Variants in ENO4 observed in about 807,000 individuals in gnomAD.
ENO4 encodes the protein 2-phospho-D-glycerate hydro-lyase.
In ENO4, 53 loss-of-function variants were observed where a neutral mutation model predicts 63.2. The observed-to-expected ratio is 0.84, with a 90% CI of 0.67 to 1.05. The LOEUF (loss-of-function observed/expected upper bound fraction) is 1.05, where lower values mean the gene tolerates loss of function less well. ENO4 is among the 50% of genes least tolerant of loss of function. The probability of loss-of-function intolerance (pLI) is 0.00; values close to 1 mark genes in which losing one functional copy is unlikely to be tolerated. For missense variants in ENO4, 719 were observed against 772.0 expected, an observed-to-expected ratio of 0.93 and a Z score of 0.81; for synonymous variants, 266 against 283.8, an observed-to-expected ratio of 0.94 and a Z score of 0.63.
In ENO4 at chr10:116,906,659, C is replaced by A. The variant is rs548829750; in HGVS notation, c.1195-4840C>A. 3 of 1,613,270 alleles carry A rather than the reference C, an allele frequency of 1.9e-6. No homozygotes were observed. The East Asian group carries it at 6.7e-5, about 36-fold the overall frequency. Reference sequence around the variant, plus strand: ...ATCTGCTTCTGCTGTCACCTTTCTGCGACGCAAAATCCTTTCTAACTCAGT... The same window carrying A: ...ATCTGCTTCTGCTGTCACCTTTCTGAGACGCAAAATCCTTTCTAACTCAGT... On this transcript the variant is annotated intron_variant, in intron 10 of 10. Transcript: ENST00000369207.
intron 9 of ENO4, among the ~76,000 whole-genome samples, chr10:116,873,089 A>G (rs1453649435): frequency 6.6e-6 from 1 of 152,228 alleles, no homozygotes; most frequent in African/African-American, 2.4e-5. Context: ...AAAATGTATT[A>G]GCTTGATATC....
At chr10:116,874,040 T>C in intron 9 of ENO4, 36 bp from the exon 10 acceptor site, 3 of 1,502,844 alleles carry the variant, frequency 2.0e-6, no homozygotes, top group Non-Finnish European at 2.7e-6. Context: ...ATTCATTATT[T>C]ATCCCTTATT....
intron 12 of ENO4, 140 bp downstream of exon 12, chr10:116,879,498 C>A: frequency 1.5e-6 from 1 of 663,860 alleles, no homozygotes; most frequent in East Asian, 2.8e-5. Flanking sequence ...CTACCTTTTG[C>A]AAAGAGCTAA....
intron 6 of ENO4, 121 bp downstream of exon 6, chr10:116,861,311 A>C: frequency 3.4e-6 from 1 of 296,716 alleles, no homozygotes; most frequent in Non-Finnish European, 5.5e-6. Context: ...GAGAAAAAAA[A>C]TATTTTAGGA....
chr10:116,870,257 C>T (rs1026506760), intron 8 of ENO4, among the ~76,000 whole-genome samples: 5 of 152,104 alleles, frequency 3.3e-5, no homozygotes, highest in Admixed American at 2.0e-4. Context: ...CAATTTATGG[C>T]GAGGGCACAT....
intron 10 of ENO4, chr10:116,907,873 C>T (rs1243322898): frequency 1.9e-6 from 1 of 517,968 alleles, no homozygotes; most frequent in Non-Finnish European, 3.9e-6. Flanking sequence ...TGTTTGAACT[C>T]ACTAAGGACT....
At chr10:116,897,156 T>C (rs1367915990) in intron 10 of ENO4, among the ~76,000 whole-genome samples, 3 of 152,160 alleles carry the variant, frequency 2.0e-5, no homozygotes, top group African/African-American at 4.8e-5. Context: ...CTAAATGCAT[T>C]TGGGGCAACA....
At chr10:116,905,117 C>T (rs376523452) in intron 10 of ENO4, among the ~76,000 whole-genome samples, 3 of 149,238 alleles carry the variant, frequency 2.0e-5, no homozygotes, top group Non-Finnish European at 3.0e-5. Flanking sequence ...AGGAGAATGG[C>T]GTTGAACCCG....
intron 10 of ENO4, chr10:116,900,569 T>C (rs1389932046): frequency 2.5e-5 from 39 of 1,534,616 alleles, no homozygotes; most frequent in Non-Finnish European, 3.3e-5. Flanking sequence ...GAGAAAAATC[T>C]ATACACACAC....
rs1043578597 is a variant in ENO4 at position 116,861,166 on chromosome 10, C to T, written c.912C>T (p.Pro304=). The T allele has an allele frequency of 3.9e-6, 6 of 1,523,020 alleles. No homozygotes were observed. In the African/African-American group the frequency reaches 7.0e-5, roughly 18 times the overall value. The allele number at this position is 1,523,020 out of a possible 1,614,324, so 94.3% of individuals were successfully genotyped here. A position where few individuals can be genotyped will look rare whatever the true frequency, so the allele number is the denominator to read the frequency against. Reference sequence around the variant, plus strand: ...TAATGAAAGAAGTGATTTGTATACCCCATCCTGAATTAACAACCAAACAAG... The same window carrying T: ...TAATGAAAGAAGTGATTTGTATACCTCATCCTGAATTAACAACCAAACAAG... ...LNLMKEVICI[P]HPELTTKQGV... The change falls in exon 6 of 14, where the codon CCC becomes CCT. Residue 304 remains proline (P), a synonymous_variant. Transcript: ENST00000341276.
At chr10:116,895,778 A>G (rs1847495956) in intron 10 of ENO4, among the ~76,000 whole-genome samples, 1 of 152,242 alleles carries the variant, frequency 6.6e-6, no homozygotes, top group African/African-American at 2.4e-5. Context: ...GTTCAAGTGC[A>G]ATTTGATCTA....
downstream of ENO4, chr10:116,886,021 A>G (rs544209575): frequency 7.5e-5 from 20 of 266,150 alleles, no homozygotes; most frequent in East Asian, 3.9e-4. Flanking sequence ...CCATTTGATG[A>G]GTGGTATGCA....
chr10:116,869,146 C>T (rs986822167), intron 8 of ENO4, among the ~76,000 whole-genome samples: 8 of 152,210 alleles, frequency 5.3e-5, no homozygotes, highest in Admixed American at 1.3e-4. Flanking sequence ...TCATTTCTGA[C>T]GAACCATTGC....
At chr10:116,901,019 G>A (rs889000074) in intron 10 of ENO4, 15 of 985,256 alleles carry the variant, frequency 1.5e-5, no homozygotes, top group South Asian at 4.7e-5. Flanking sequence ...TCTCTTGATA[G>A]GACAGGAAAT....
At chr10:116,858,511 A>G (rs1846330975) in intron 3 of ENO4, among the ~76,000 whole-genome samples, 1 of 152,124 alleles carries the variant, frequency 6.6e-6, no homozygotes, top group African/African-American at 2.4e-5. Flanking sequence ...GGGGTGCTGA[A>G]ATTTTACATA....
rs1048590772 is a variant in ENO4 at position 116,881,651 on chromosome 10, A to C, written c.1860A>C (p.Thr620=). Residue 620 remains threonine, a synonymous_variant, in exon 14 of 14, where the codon ACA becomes ACC. Coordinates refer to ENST00000341276, the MANE Select transcript of ENO4 (RefSeq NM_001242699.2). ...AAGGTGTAGAGGAATCAGCCGAAAC[A>C]GGAGCATCCTCTGGATAGGGCTGTA... is the stretch of plus-strand genomic sequence containing the variant. ...PTQGVEESAE[T]GASSG 7.8e-6 allele frequency: 12 copies of C among 1,546,644 alleles called. No individual in the cohort carries two copies. Among genetic ancestry groups the C allele is most frequent in the Non-Finnish European group, 1.0e-5 (12 of 1,145,272 alleles).
intron 10 of ENO4, among the ~76,000 whole-genome samples, chr10:116,904,901 C>T (rs1847901135): frequency 6.6e-6 from 1 of 152,100 alleles, no homozygotes; most frequent in South Asian, 2.1e-4. Context: ...TCAACAAAGT[C>T]CTTAAAAATA....
intron 10 of ENO4, among the ~76,000 whole-genome samples, chr10:116,897,339 T>C (rs564780756): frequency 5.4e-4 from 82 of 152,326 alleles, no homozygotes; most frequent in African/African-American, 1.9e-3. Flanking sequence ...AGCTAGGAAA[T>C]ATGTGCCTCT....
At chr10:116,849,837 A>T (rs1320717746) in intron 1 of ENO4, 106 bp downstream of exon 1, 2 of 1,294,876 alleles carry the variant, frequency 1.5e-6, no homozygotes, top group African/African-American at 1.5e-5. Flanking sequence ...CTCGCATGCC[A>T]GCCGCCCGGG....
Sources: allele counts gnomAD v4.1 joint callset (sites outside exome capture counted in the v4.1 genomes callset), GRCh38; gene constraint gnomAD v4.1.1; transcripts MANE v1.5; gene names NCBI Gene and HGNC (gene_info 2026-07-23, HGNC 2026-07-21).